FSAF1: variants seen among roughly 807,000 people sequenced by gnomAD.
The protein encoded by FSAF1 is uncharacterized protein C1orf131.
the FSAF1 span, among the ~76,000 whole-genome samples, chr1:231,240,380 C>T: frequency 6.6e-6 from 1 of 152,128 alleles, no homozygotes; most frequent in Admixed American, 6.5e-5. This position sits in a 1 kb window ranked among gnomAD's most constrained non-coding sequence, Gnocchi z 4.1. Context: ...TTCTTTGGTG[C>T]ATGTGCAAAG....
chr1:231,228,493 G>A, the FSAF1 span, among the ~76,000 whole-genome samples: 24 of 151,790 alleles, frequency 1.6e-4, no homozygotes, highest in East Asian at 3.3e-3. Flanking sequence ...CAGCTACTCC[G>A]GAGACTGAAG....
At chr1:231,238,714 A>T in the FSAF1 span, 1 of 705,912 alleles carries the variant, frequency 1.4e-6, no homozygotes, top group Non-Finnish European at 2.3e-6. Flanking sequence ...CTATATGCTG[A>T]GTCTTGGGTC....
chr1:231,225,712 G>A, the FSAF1 span: 1 of 612,070 alleles, frequency 1.6e-6, no homozygotes, highest in Non-Finnish European at 2.9e-6. Context: ...GGCTGGGCCT[G>A]GCGTGGTGGC....
the FSAF1 span, among the ~76,000 whole-genome samples, chr1:231,229,693 C>T: frequency 6.6e-6 from 1 of 152,176 alleles, no homozygotes; most frequent in African/African-American, 2.4e-5. Flanking sequence ...ACCCATGCTA[C>T]ATGGATGAAC....
At chr1:231,235,302 TC>T in the FSAF1 span, among the ~76,000 whole-genome samples, 3 of 151,990 alleles carry the variant, frequency 2.0e-5, 1 homozygote, top group East Asian at 5.8e-4. Context: ...ATCGAGACCA[TC>T]CTGGCCAACA....
the FSAF1 span, among the ~76,000 whole-genome samples, chr1:231,232,055 T>A: frequency 6.6e-6 from 1 of 152,092 alleles, no homozygotes; most frequent in Non-Finnish European, 1.5e-5. Flanking sequence ...GAAAAAAAAA[T>A]TCTTGCCTCA....
At chr1:231,229,943 G>C in the FSAF1 span, among the ~76,000 whole-genome samples, 1 of 152,152 alleles carries the variant, frequency 6.6e-6, no homozygotes, top group Admixed American at 6.5e-5. Flanking sequence ...ACAACACCAT[G>C]AATGAGCTTA....
the FSAF1 span, chr1:231,241,074 G>C: frequency 6.2e-7 from 1 of 1,614,198 alleles, no homozygotes. Flanking sequence ...CGGAGAACTG[G>C]GAGGCGTGGA....
At chr1:231,239,493 T>G in the FSAF1 span, among the ~76,000 whole-genome samples, 1 of 152,218 alleles carries the variant, frequency 6.6e-6, no homozygotes, top group Non-Finnish European at 1.5e-5. Context: ...GTAATCCCAA[T>G]TGGCTTTATA....
the FSAF1 span, chr1:231,236,879 C>T: frequency 6.6e-6 from 1 of 152,120 alleles, no homozygotes; most frequent in Non-Finnish European, 1.5e-5. Flanking sequence ...CCAAGGGAAT[C>T]CATTTCTTGA....
the FSAF1 span, among the ~76,000 whole-genome samples, chr1:231,233,339 T>G: frequency 1.3e-5 from 2 of 152,208 alleles, no homozygotes; most frequent in African/African-American, 4.8e-5. Flanking sequence ...ACCCAACCTT[T>G]GGCACTTACT....
the FSAF1 span, chr1:231,238,755 T>C: frequency 8.4e-7 from 1 of 1,186,494 alleles, no homozygotes; most frequent in Non-Finnish European, 1.2e-6. Flanking sequence ...TCTGCAGGCC[T>C]GAGGATAGTC....
At chr1:231,227,243 C>T in the FSAF1 span, among the ~76,000 whole-genome samples, 1 of 152,190 alleles carries the variant, frequency 6.6e-6, no homozygotes, top group African/African-American at 2.4e-5. Flanking sequence ...CTACCATACA[C>T]CATCTCTCAC....
At chr1:231,228,172 T>C in the FSAF1 span, among the ~76,000 whole-genome samples, 4,128 of 150,738 alleles carry the variant, frequency 0.027, 86 homozygotes, top group South Asian at 0.043. Context: ...GAATTACTTT[T>C]TCTTGTCTTT....
the FSAF1 span, chr1:231,226,355 C>T: frequency 4.9e-5 from 13 of 263,620 alleles, no homozygotes; most frequent in South Asian, 5.3e-4. Flanking sequence ...TTCCCTCTGC[C>T]TTCCCTCATG....
At chr1:231,238,618 G>A in the FSAF1 span, 1 of 426,874 alleles carries the variant, frequency 2.3e-6, no homozygotes, top group Non-Finnish European at 4.2e-6. Context: ...CTAGCAATGT[G>A]ATTGATGGTG....
the FSAF1 span, among the ~76,000 whole-genome samples, chr1:231,235,477 C>T: frequency 1.3e-5 from 2 of 150,218 alleles, no homozygotes; most frequent in Non-Finnish European, 3.0e-5. Context: ...AGCCTGGTGA[C>T]AGGGCAAGAC....
chr1:231,235,165 A>G, the FSAF1 span, among the ~76,000 whole-genome samples: 3 of 152,342 alleles, frequency 2.0e-5, no homozygotes, highest in Middle Eastern at 0.01. Context: ...ATGTGATCCC[A>G]TACTATTTCC....
the FSAF1 span, among the ~76,000 whole-genome samples, chr1:231,227,592 T>TTG: frequency 6.9e-6 from 1 of 144,676 alleles, no homozygotes; most frequent in African/African-American, 2.6e-5. Flanking sequence ...ACGGTTTTTT[T>TTG]TTTTTTTTTT....
Sources: gnomAD v4.1 joint callset for allele counts (sites outside exome capture counted in the v4.1 genomes callset) on GRCh38, gnomAD v4.1.1 for gene constraint, Gnocchi (gnomAD v3.1) non-coding constraint, MANE v1.5 for transcripts, NCBI Gene and HGNC (gene_info 2026-07-23, HGNC 2026-07-21) for gene names.